Variants in PRKG1 observed in about 807,000 individuals in gnomAD.
The protein encoded by PRKG1 is protein kinase cGMP-dependent 1.
A neutral mutation model predicts 88.1 loss-of-function variants in PRKG1; 35 were observed. The observed-to-expected ratio is 0.40, with a 90% CI of 0.30 to 0.53. PRKG1 has a LOEUF of 0.53. Ranked by LOEUF, PRKG1 falls within the 20% of genes least tolerant of loss-of-function variation. The pLI, the probability that PRKG1 is intolerant of heterozygous loss-of-function variation, is 0.59. For missense variants in PRKG1, 540 were observed against 839.8 expected (o/e 0.64, Z 4.41); for synonymous variants, 303 against 292.5 (o/e 1.04, Z -0.37).
At chr10:51,487,753 A>G (rs1196234012) in intron 3 of PRKG1, among the ~76,000 whole-genome samples, 1 of 152,236 alleles carries the variant, frequency 6.6e-6, no homozygotes, top group Non-Finnish European at 1.5e-5. Context: ...ATTTATTGGC[A>G]TATAATTCCT....
chr10:51,043,717 G>A (rs189154686), intron 1 of PRKG1, among the ~76,000 whole-genome samples: 1 of 151,960 alleles, frequency 6.6e-6, no homozygotes, highest in African/African-American at 2.4e-5. Flanking sequence ...TTTTCTCACT[G>A]TTTTATCCCA....
At chr10:51,309,639 T>A (rs918207281) in intron 2 of PRKG1, among the ~76,000 whole-genome samples, 3 of 152,062 alleles carry the variant, frequency 2.0e-5, no homozygotes, top group African/African-American at 7.2e-5. Context: ...TCATACACAA[T>A]TATTGAGAAT....
At chr10:51,187,885 C>T (rs1837534015) in intron 2 of PRKG1, among the ~76,000 whole-genome samples, 1 of 151,878 alleles carries the variant, frequency 6.6e-6, no homozygotes, top group Middle Eastern at 3.2e-3. Flanking sequence ...TTAGATCTTG[C>T]TTGTTTTGAT....
At chr10:51,276,792 G>T (rs528888927) in intron 2 of PRKG1, among the ~76,000 whole-genome samples, 25 of 152,002 alleles carry the variant, frequency 1.6e-4, no homozygotes, top group African/African-American at 6.0e-4. Context: ...CATATCCTTC[G>T]CCCACTTTTT....
intron 3 of PRKG1, among the ~76,000 whole-genome samples, chr10:51,791,195 G>A (rs1337680220): frequency 6.6e-6 from 1 of 152,228 alleles, no homozygotes; most frequent in African/African-American, 2.4e-5. Context: ...AAAAATATGA[G>A]TGTATAAATA....
At chr10:51,513,455 A>T (rs1387925344) in intron 3 of PRKG1, among the ~76,000 whole-genome samples, 3 of 108,272 alleles carry the variant, frequency 2.8e-5, no homozygotes, top group Non-Finnish European at 5.8e-5. Flanking sequence ...AAAGTCAACA[A>T]GGATACCCAG....
At chr10:52,085,250 T>TCTCCCTCC (rs914683754) in intron 7 of PRKG1, among the ~76,000 whole-genome samples, 6 of 151,774 alleles carry the variant, frequency 4.0e-5, no homozygotes, top group East Asian at 1.9e-4. Context: ...ATCAAATTAT[T>TCTCCCTCC]CTCCCTCCCT....
At chr10:52,244,099 C>G (rs1389871000) in intron 9 of PRKG1, among the ~76,000 whole-genome samples, 1 of 151,984 alleles carries the variant, frequency 6.6e-6, no homozygotes, top group Non-Finnish European at 1.5e-5. Flanking sequence ...TTAAGTTATT[C>G]CTTCCACTGC....
intron 5 of PRKG1, among the ~76,000 whole-genome samples, chr10:51,940,515 T>A (rs1299095474): frequency 6.6e-6 from 1 of 151,922 alleles, no homozygotes; most frequent in Admixed American, 6.6e-5. Context: ...TTTGGATACC[T>A]ATGATGGCTA....
chr10:51,316,684 A>AT (rs1841329245), intron 2 of PRKG1, among the ~76,000 whole-genome samples: 4 of 148,446 alleles, frequency 2.7e-5, no homozygotes, highest in Admixed American at 6.8e-5. Flanking sequence ...CTCCGTCTCA[A>AT]AAAATAAATA....
Position 52,157,306 on chromosome 10 carries a change from GATATATATATAT to G in PRKG1, c.1002-4562_1002-4551del, listed in dbSNP as rs142784154. ...TATATATATTGTGTGTGAGTTAGTT[GATATATATATAT>G]ATATATATATATATATATATGTATA... On this transcript the variant is annotated intron_variant, in intron 8 of 17. Coordinates refer to ENST00000373980, the MANE Select transcript of PRKG1 (RefSeq NM_006258.4). Among the ~76,000 whole-genome samples, 117 of 125,904 alleles carry G rather than the reference GATATATATATAT, an allele frequency of 9.3e-4. 1 individual carries two copies. The highest frequency in any genetic ancestry group is 4.5e-3 in the South Asian group (18 of 3,984). The allele number at this position is 125,904 out of a possible 152,430, so 82.6% of individuals were successfully genotyped here.
chr10:52,166,849 G>GTATA (rs1564498614), intron 9 of PRKG1, among the ~76,000 whole-genome samples: 3 of 49,138 alleles, frequency 6.1e-5, no homozygotes, highest in Non-Finnish European at 8.2e-5. Flanking sequence ...GTATATATAT[G>GTATA]TCTATATATA....
intron 2 of PRKG1, among the ~76,000 whole-genome samples, chr10:51,344,208 C>T (rs1052132254): frequency 6.6e-6 from 1 of 151,996 alleles, no homozygotes; most frequent in South Asian, 2.1e-4. Flanking sequence ...GAAGGCAAAG[C>T]GGGGAGCAGG....
At chr10:52,054,639 A>C in intron 6 of PRKG1, 78 bp downstream of exon 6, 1 of 1,212,068 alleles carries the variant, frequency 8.3e-7, no homozygotes, top group Non-Finnish European at 1.2e-6. Flanking sequence ...GAACACATGC[A>C]GAGTCTTGTG....
chr10:52,099,341 T>A (rs1421273788), intron 7 of PRKG1, among the ~76,000 whole-genome samples: 3 of 152,190 alleles, frequency 2.0e-5, no homozygotes, highest in Non-Finnish European at 4.4e-5. Context: ...AGAGTTACGA[T>A]GAGTCATTCT....
At chr10:51,496,097 A>G (rs1042467271) in intron 3 of PRKG1, among the ~76,000 whole-genome samples, 3 of 152,312 alleles carry the variant, frequency 2.0e-5, no homozygotes, top group African/African-American at 4.8e-5. Context: ...CAAAGAGTAC[A>G]TATTTGTTTG....
chr10:52,002,756 T>C (rs1844631732), intron 5 of PRKG1, among the ~76,000 whole-genome samples: 1 of 152,196 alleles, frequency 6.6e-6, no homozygotes, highest in Admixed American at 6.6e-5. Context: ...ATGCTGTTCA[T>C]GTAAATACTA....
At chr10:51,291,060 G>A (rs560596003) in intron 2 of PRKG1, among the ~76,000 whole-genome samples, 1 of 152,152 alleles carries the variant, frequency 6.6e-6, no homozygotes, top group African/African-American at 2.4e-5. Flanking sequence ...GCCTTTTCTG[G>A]TGTTTCTTTT....
At chr10:51,657,912 A>G (rs189706044) in intron 3 of PRKG1, among the ~76,000 whole-genome samples, 1 of 152,278 alleles carries the variant, frequency 6.6e-6, no homozygotes, top group Admixed American at 6.5e-5. Context: ...AAAAGCAAAC[A>G]AAGTGTTTGT....
Sources: gnomAD v4.1 joint callset for allele counts (sites outside exome capture counted in the v4.1 genomes callset) on GRCh38, gnomAD v4.1.1 for gene constraint, MANE v1.5 for transcripts, NCBI Gene and HGNC (gene_info 2026-07-23, HGNC 2026-07-21) for gene names.